The following PARD3 variants were observed in gnomAD, a reference collection of about 807,000 sequenced individuals.
PARD3 encodes partitioning defective 3 homolog.
A neutral mutation model predicts 155.4 loss-of-function variants in PARD3; 75 were observed. That is an observed-to-expected ratio of 0.48 (90% CI 0.40 to 0.58). The LOEUF (loss-of-function observed/expected upper bound fraction) is 0.58, where lower values mean the gene tolerates loss of function less well. Among genes scored for constraint, PARD3 ranks in the 20% least tolerant of loss-of-function variants. PARD3 has a pLI of 0.00. For synonymous variants in PARD3, 576 were observed against 610.5 expected, an observed-to-expected ratio of 0.94 and a Z score of 0.83; for missense variants, 1,642 against 1,721.7, an observed-to-expected ratio of 0.95 and a Z score of 0.82.
At position 34,319,574 on chromosome 10, in the gene PARD3, G is replaced by GA. The variant is rs201133491; in HGVS notation, c.2834-2237dup. Among the ~76,000 whole-genome samples the GA allele has an allele frequency of 2.8e-3, 424 of 152,328 alleles. 2 individuals are homozygous for GA. The highest frequency in any genetic ancestry group is 9.7e-3 in the African/African-American group (403 of 41,566). On this transcript the variant is annotated intron_variant, in intron 19 of 24. Transcript: ENST00000374788. Reference sequence around the variant, plus strand: ...CCAGTTACAACTAGAAGGACATAGTGAAAATCCATAATCTTACAAATAATA... The same window carrying GA: ...CCAGTTACAACTAGAAGGACATAGTGAAAAATCCATAATCTTACAAATAATA...
intron 2 of PARD3, among the ~76,000 whole-genome samples, chr10:34,654,760 C>T (rs1289937599): frequency 2.6e-5 from 4 of 152,118 alleles, no homozygotes; most frequent in African/African-American, 9.7e-5. Flanking sequence ...GACACTCTGC[C>T]GTGATATGGA....
intron 5 of PARD3, among the ~76,000 whole-genome samples, chr10:34,412,883 A>G (rs1316632266): frequency 6.6e-6 from 1 of 152,186 alleles, no homozygotes; most frequent in Non-Finnish European, 1.5e-5. Flanking sequence ...AACAAATGAT[A>G]CATAGGCCAA....
intron 22 of PARD3, among the ~76,000 whole-genome samples, chr10:34,263,974 C>T (rs1955162153): frequency 6.6e-6 from 1 of 152,192 alleles, no homozygotes; most frequent in African/African-American, 2.4e-5. Flanking sequence ...CTAAAATATA[C>T]ACAATCTTGA....
chr10:34,618,995 C>CA (rs2091444475), intron 2 of PARD3, among the ~76,000 whole-genome samples: 1 of 152,074 alleles, frequency 6.6e-6, no homozygotes, highest in Admixed American at 6.6e-5. Context: ...ACTCATCCCA[C>CA]AGCCCCTCAC....
chr10:34,361,712 A>G (rs886982224), intron 12 of PARD3, among the ~76,000 whole-genome samples: 15 of 152,236 alleles, frequency 9.9e-5, no homozygotes, highest in African/African-American at 3.6e-4. Flanking sequence ...TGATGTTTCT[A>G]ATTTACAAAT....
chr10:34,755,781 A>AT (rs1191593072), intron 1 of PARD3, among the ~76,000 whole-genome samples: 1 of 151,692 alleles, frequency 6.6e-6, no homozygotes, highest in African/African-American at 2.4e-5. Flanking sequence ...TTTTTTTGCC[A>AT]TTTTTCCCCT....
At position 34,193,293 on chromosome 10, in the gene PARD3, T is replaced by C. The variant is rs369325049; in HGVS notation, c.3420-61710A>G. ...GTTGAAAAACCTAGAAAGGGAGAGA[T>C]TGTAAATTCATGGATTTTTCCCTAA... On this transcript the variant is annotated intron_variant, in intron 22 of 24. Transcript: ENST00000374788. Among the ~76,000 whole-genome samples, 7 of 152,326 alleles carry C rather than the reference T, an allele frequency of 4.6e-5. No homozygotes were observed. The East Asian group carries it at 9.6e-4, about 21-fold the overall frequency.
intron 2 of PARD3, among the ~76,000 whole-genome samples, chr10:34,593,954 G>A (rs1043972879): frequency 5.9e-5 from 9 of 152,138 alleles, no homozygotes; most frequent in Admixed American, 2.0e-4. Context: ...ATTCTTCTAT[G>A]ATCTGGGCTC....
At chr10:34,596,112 C>T (rs1352296734) in intron 2 of PARD3, among the ~76,000 whole-genome samples, 1 of 152,094 alleles carries the variant, frequency 6.6e-6, no homozygotes, top group Non-Finnish European at 1.5e-5. Context: ...TGCTTTTGTG[C>T]CCAAGCTCTA....
intron 1 of PARD3, among the ~76,000 whole-genome samples, chr10:34,735,816 T>C (rs995109375): frequency 6.6e-6 from 1 of 152,208 alleles, no homozygotes; most frequent in Non-Finnish European, 1.5e-5. Context: ...ATGCAATATA[T>C]GTACTGTAGT....
intron 22 of PARD3, among the ~76,000 whole-genome samples, chr10:34,186,555 G>C (rs1306859651): frequency 6.6e-6 from 1 of 152,098 alleles, no homozygotes; most frequent in Non-Finnish European, 1.5e-5. Flanking sequence ...ACCAGTTGCA[G>C]AATTTATGTA....
At chr10:34,305,984 AT>A (rs563490110) in intron 20 of PARD3, among the ~76,000 whole-genome samples, 1 of 152,118 alleles carries the variant, frequency 6.6e-6, no homozygotes, top group Non-Finnish European at 1.5e-5. Flanking sequence ...CTCTAAAAAA[AT>A]TTTTTTATTA....
At chr10:34,762,179 AC>A (rs1370385681) in intron 1 of PARD3, among the ~76,000 whole-genome samples, 2 of 152,064 alleles carry the variant, frequency 1.3e-5, no homozygotes, top group Non-Finnish European at 2.9e-5. Context: ...CTAAAACAAA[AC>A]CCTAAAACAT....
At chr10:34,684,545 G>A (rs1471549604) in intron 2 of PARD3, among the ~76,000 whole-genome samples, 1 of 151,896 alleles carries the variant, frequency 6.6e-6, no homozygotes, top group Non-Finnish European at 1.5e-5. Context: ...TCTCCACCCA[G>A]CCCAATCGCC....
chr10:34,535,381 G>C (rs1466150418), intron 2 of PARD3, among the ~76,000 whole-genome samples: 3 of 152,150 alleles, frequency 2.0e-5, no homozygotes, highest in African/African-American at 7.2e-5. Flanking sequence ...AGTCAAAACG[G>C]ATACCAGACA....
At chr10:34,395,495 G>T (rs967527977) in intron 7 of PARD3, among the ~76,000 whole-genome samples, 1 of 152,088 alleles carries the variant, frequency 6.6e-6, no homozygotes, top group Admixed American at 6.6e-5. Context: ...TATAGATGAG[G>T]ATCAGTTAAC....
rs1477249982 is a variant in PARD3 at position 34,337,157 on chromosome 10, A to T, written c.2560+118T>A. ...AAACTAATTTTTGCCAAATTGCCAC[A>T]TTTCACATTTATTTTCTCTATTGCT... On this transcript the variant is annotated intron_variant, in intron 17 of 24. Transcript: ENST00000374788. 10 of 628,706 alleles carry T rather than the reference A, an allele frequency of 1.6e-5. 1 individual carries two copies. Among genetic ancestry groups the T allele is most frequent in the Non-Finnish European group, 2.2e-5 (9 of 408,512 alleles). 38.9% of individuals were successfully genotyped at this position (628,706 alleles called of 1,614,324 possible).
intron 2 of PARD3, among the ~76,000 whole-genome samples, chr10:34,552,432 G>T (rs1321215213): frequency 1.3e-5 from 2 of 152,240 alleles, no homozygotes; most frequent in African/African-American, 4.8e-5. Flanking sequence ...TTATGGCTGG[G>T]AGTAGTGGCT....
At chr10:34,577,777 T>C (rs1590085283) in intron 2 of PARD3, among the ~76,000 whole-genome samples, 1 of 152,202 alleles carries the variant, frequency 6.6e-6, no homozygotes, top group Non-Finnish European at 1.5e-5. Context: ...TTCTTTAAAT[T>C]TTAAGATGAG....
Sources: allele counts gnomAD v4.1 joint callset (sites outside exome capture counted in the v4.1 genomes callset), GRCh38; gene constraint gnomAD v4.1.1; transcripts MANE v1.5; gene names NCBI Gene and HGNC (gene_info 2026-07-23, HGNC 2026-07-21).